PTPRD: variants seen among roughly 807,000 people sequenced by gnomAD.
The protein encoded by PTPRD is protein tyrosine phosphatase receptor type D.
A neutral mutation model predicts 214.5 loss-of-function variants in PTPRD; 34 were observed. The ratio of observed to expected loss-of-function variants is 0.16; its 90% CI spans 0.12 to 0.21. The LOEUF is 0.21. PTPRD is among the 10% of genes least tolerant of loss of function. The pLI, the probability that PTPRD is intolerant of heterozygous loss-of-function variation, is 1.00. For missense variants in PTPRD, 2,545 were observed against 2,398.7 expected (o/e 1.06, Z -1.27); for synonymous variants, 1,128 against 845.7 (o/e 1.33, Z -5.79).
At chr9:10,172,842 A>G (rs916990100) in intron 3 of PTPRD, among the ~76,000 whole-genome samples, 4 of 152,232 alleles carry the variant, frequency 2.6e-5, no homozygotes, top group African/African-American at 4.8e-5. Context: ...ACTGAAATGT[A>G]TATGGAATCA....
At chr9:8,323,980 A>G (rs1420693050) in intron 44 of PTPRD, among the ~76,000 whole-genome samples, 4 of 152,124 alleles carry the variant, frequency 2.6e-5, no homozygotes, top group Admixed American at 6.5e-5. Context: ...AGAAATTGCT[A>G]CAGCCACCTC....
At chr9:9,564,938 T>A (rs958108796) in intron 8 of PTPRD, among the ~76,000 whole-genome samples, 2 of 140,582 alleles carry the variant, frequency 1.4e-5, no homozygotes, top group Non-Finnish European at 3.1e-5. Flanking sequence ...GCTAACCTGT[T>A]ATGGGCTATG....
At chr9:8,869,491 C>G (rs1276051181) in intron 11 of PTPRD, among the ~76,000 whole-genome samples, 1 of 151,982 alleles carries the variant, frequency 6.6e-6, no homozygotes, top group East Asian at 1.9e-4. Context: ...TATGGCTGAC[C>G]CAGACTCATT....
chr9:8,582,936 G>C (rs774395602), intron 14 of PTPRD, among the ~76,000 whole-genome samples: 4 of 152,202 alleles, frequency 2.6e-5, no homozygotes, highest in Admixed American at 1.3e-4. Flanking sequence ...AGGTATGTAT[G>C]AGTTGGAGCA....
chr9:9,017,275 G>T (rs904851149), intron 11 of PTPRD, among the ~76,000 whole-genome samples: 15 of 152,056 alleles, frequency 9.9e-5, no homozygotes, highest in Admixed American at 8.5e-4. Flanking sequence ...GAAAAGAAAG[G>T]TCATCTTGCT....
Position 10,552,471 on chromosome 9 carries a change from CT to C in PTPRD, c.-600+59926del, listed in dbSNP as rs36113949. ...TTTCACACTCTTCTCATTCTTCTGT[CT>C]TTTTTTTCTACATGATCATGTGTAA... On this transcript the variant is annotated intron_variant, in intron 2 of 45. Coordinates refer to ENST00000381196, the MANE Select transcript of PTPRD (RefSeq NM_002839.4). Among the ~76,000 whole-genome samples the C allele has an allele frequency of 5.3e-5, 8 of 151,986 alleles. No individual in the cohort carries two copies. The South Asian group carries it at 1.0e-3, about 20-fold the overall frequency.
intron 12 of PTPRD, among the ~76,000 whole-genome samples, chr9:8,641,648 CGCTTGCCATTTTCA>C (rs2096579411): frequency 3.0e-5 from 4 of 133,280 alleles, no homozygotes; most frequent in African/African-American, 1.2e-4. Context: ...CTGCCAGGCT[CGCTTGCCATTTTCA>C]AAGACTGTAC....
At chr9:9,912,318 T>C (rs187691592) in intron 5 of PTPRD, among the ~76,000 whole-genome samples, 4 of 152,304 alleles carry the variant, frequency 2.6e-5, no homozygotes, top group Admixed American at 1.3e-4. Flanking sequence ...AACTACAGCA[T>C]ACAAACTAAA....
intron 10 of PTPRD, among the ~76,000 whole-genome samples, chr9:9,106,612 C>CAA (rs5896301): frequency 0.045 from 3,133 of 69,130 alleles, 57 homozygotes; most frequent in Non-Finnish European, 0.055. Context: ...ATTCCATAGG[C>CAA]AAAAAAAAAA....
At chr9:10,226,762 G>T (rs770593796) in intron 3 of PTPRD, among the ~76,000 whole-genome samples, 1 of 151,968 alleles carries the variant, frequency 6.6e-6, no homozygotes, top group Non-Finnish European at 1.5e-5. Flanking sequence ...CTGTGTGTAT[G>T]TGTTGTAGGG....
intron 11 of PTPRD, among the ~76,000 whole-genome samples, chr9:8,836,115 C>A (rs987873363): frequency 2.6e-5 from 4 of 152,070 alleles, no homozygotes; most frequent in African/African-American, 9.7e-5. Context: ...TAGAGTTTTG[C>A]GTTTTATGTG....
chr9:10,418,448 CACACA>C (rs2098515021), intron 2 of PTPRD, among the ~76,000 whole-genome samples: 1 of 26,646 alleles, frequency 3.8e-5, no homozygotes, highest in Non-Finnish European at 6.0e-5. Context: ...TTCCCCTCTA[CACACA>C]CACACACACA....
chr9:8,725,389 C>T (rs1175087558), intron 12 of PTPRD, among the ~76,000 whole-genome samples: 2 of 152,172 alleles, frequency 1.3e-5, no homozygotes, highest in East Asian at 1.9e-4. Context: ...TAACTCAATG[C>T]TTGGCACGGG....
intron 35 of PTPRD, among the ~76,000 whole-genome samples, chr9:8,411,543 A>T (rs1312780634): frequency 1.3e-5 from 2 of 152,174 alleles, no homozygotes; most frequent in Non-Finnish European, 2.9e-5. Context: ...ACCTTAAGTG[A>T]TCCACCTGCC....
At chr9:9,048,113 C>A (rs2099676777) in intron 10 of PTPRD, among the ~76,000 whole-genome samples, 1 of 152,010 alleles carries the variant, frequency 6.6e-6, no homozygotes, top group East Asian at 1.9e-4. Context: ...TCTTCTCAGC[C>A]CTAGTTAGAA....
intron 36 of PTPRD, among the ~76,000 whole-genome samples, 169 bp from the exon 37 acceptor site, chr9:8,389,576 C>T (rs534054169): frequency 5.3e-5 from 8 of 152,088 alleles, no homozygotes; most frequent in African/African-American, 9.6e-5. Context: ...CTATTAGAAC[C>T]GTCATGTTAA....
Position 9,580,547 on chromosome 9 carries a change from CTTT to C in PTPRD, c.-286-5769_-286-5767del, listed in dbSNP as rs1176394314. On this transcript the variant is annotated intron_variant, in intron 7 of 45. Coordinates refer to ENST00000381196, the MANE Select transcript of PTPRD (RefSeq NM_002839.4). ...TCATGTCCTTAGCTTACTTTATTTT[CTTT>C]TTTTTTTTTTTTTTTTGAGACAGAG... Among the ~76,000 whole-genome samples the C allele has an allele frequency of 1.2e-4, 15 of 123,068 alleles. 1 individual carries two copies. The highest frequency in any genetic ancestry group is 4.5e-4 in the East Asian group (2 of 4,422). 80.7% of individuals were successfully genotyped at this position (123,068 alleles called of 152,430 possible).
chr9:10,435,643 G>C (rs1305401361), intron 2 of PTPRD, among the ~76,000 whole-genome samples: 1 of 151,674 alleles, frequency 6.6e-6, no homozygotes, highest in African/African-American at 2.4e-5. Context: ...GACACTTTAA[G>C]AATTGCTTAC....
At chr9:8,619,025 G>T (rs1378882149) in intron 14 of PTPRD, among the ~76,000 whole-genome samples, 1 of 147,236 alleles carries the variant, frequency 6.8e-6, no homozygotes, top group African/African-American at 2.5e-5. Context: ...CTCCCAAAAT[G>T]CTGGGATTAC....
Sources: allele counts gnomAD v4.1 joint callset (sites outside exome capture counted in the v4.1 genomes callset), GRCh38; gene constraint gnomAD v4.1.1; transcripts MANE v1.5; gene names NCBI Gene and HGNC (gene_info 2026-07-23, HGNC 2026-07-21).